HIVEP3: variants seen among roughly 807,000 people sequenced by gnomAD.
The protein encoded by HIVEP3 is HIVEP zinc finger 3, also known as transcription factor HIVEP3.
In HIVEP3, 49 loss-of-function variants were observed where a neutral mutation model predicts 152.8. The observed-to-expected ratio is 0.32, with a 90% CI of 0.26 to 0.41. The LOEUF (loss-of-function observed/expected upper bound fraction) is 0.41, where lower values mean the gene tolerates loss of function less well. HIVEP3 is among the 10% of genes least tolerant of loss of function. HIVEP3 has a pLI of 1.00. For missense variants in HIVEP3, 2,790 were observed against 3,103.3 expected (o/e 0.90, Z 2.40); for synonymous variants, 1,269 against 1,289.0 (o/e 0.98, Z 0.33).
chr1:41,595,465 C>CAA (rs1558100764), intron 3 of HIVEP3, among the ~76,000 whole-genome samples: 6 of 152,054 alleles, frequency 3.9e-5, no homozygotes, highest in African/African-American at 1.4e-4. Context: ...TGGGACATGC[C>CAA]GAGAAAGGAG....
chr1:41,698,786 A>G (rs1646315918), intron 2 of HIVEP3, among the ~76,000 whole-genome samples: 1 of 151,868 alleles, frequency 6.6e-6, no homozygotes, highest in African/African-American at 2.4e-5. Context: ...CACAGCCCCC[A>G]CTGAATGTAG....
At chr1:41,532,342 G>A (rs189870619) in intron 5 of HIVEP3, among the ~76,000 whole-genome samples, 1 of 152,174 alleles carries the variant, frequency 6.6e-6, no homozygotes, top group East Asian at 1.9e-4. Flanking sequence ...GGAGAGAAGG[G>A]AGGACTTGGG....
chr1:41,513,076 C>T lies in HIVEP3; in HGVS notation c.6145G>A (p.Ala2049Thr), dbSNP rs781092073. 4 of 1,613,778 alleles carry T rather than the reference C, an allele frequency of 2.5e-6. No homozygotes were observed. Among genetic ancestry groups the T allele is most frequent in the Non-Finnish European group, 3.4e-6 (4 of 1,180,026 alleles). Residue 2049 changes from alanine to threonine, a missense_variant, in exon 8 of 9, where the codon GCA becomes ACA. By Grantham distance (58) the Ala-to-Thr change is moderately conservative. Around this residue, in one of 9 missense-constraint regions of HIVEP3, gnomAD observed 816 missense variants for 806.5 expected, o/e 1.01. Transcript: ENST00000372583. ...CCCTCGAGTTTGGAGAGCACATGTG[C>T]TCGAGGGGCCAGTTCTCTTCCCAGG... ...CPLGRELAPR[A>T]HVLSKLEGTT...
At chr1:41,943,092 A>G (rs565651769) in intron 1 of HIVEP3, among the ~76,000 whole-genome samples, 1 of 152,030 alleles carries the variant, frequency 6.6e-6, no homozygotes, top group African/African-American at 2.4e-5. Flanking sequence ...ATTTTTTAGT[A>G]GAGACGGGTT....
At chr1:41,651,820 T>A (rs1366478213) in intron 2 of HIVEP3, among the ~76,000 whole-genome samples, 1 of 152,232 alleles carries the variant, frequency 6.6e-6, no homozygotes, top group African/African-American at 2.4e-5. Flanking sequence ...ACAATCTCAT[T>A]TTTAATTTAC....
rs1006266612 is a variant in HIVEP3 at position 41,664,428 on chromosome 1, C to G, written c.-720-35481G>C. Among the ~76,000 whole-genome samples the G allele has an allele frequency of 6.6e-6, 1 of 152,208 alleles. No individual in the cohort carries two copies. The highest frequency in any genetic ancestry group is 1.5e-5 in the Non-Finnish European group (1 of 68,032). ...AGAGGTGGCCTGGCCTCAAGGGACC[C>G]TCCCAATGGATTTGGTCACCTTCCA... On this transcript the variant is annotated intron_variant, in intron 2 of 8. Transcript: ENST00000372583. This position sits in a 1 kb window ranked among gnomAD's most constrained non-coding sequence, Gnocchi z 4.4.
At chr1:41,717,448 G>T (rs1358679166) in intron 1 of HIVEP3, among the ~76,000 whole-genome samples, 1 of 152,216 alleles carries the variant, frequency 6.6e-6, no homozygotes. Context: ...CTTGAGAAAG[G>T]AAAGAGAAAG....
At chr1:41,696,234 C>T (rs1188346026) in intron 2 of HIVEP3, among the ~76,000 whole-genome samples, 2 of 152,260 alleles carry the variant, frequency 1.3e-5, no homozygotes, top group Non-Finnish European at 2.9e-5. Context: ...TGTTCCAGCT[C>T]CAGTCAAAGA....
intron 3 of HIVEP3, among the ~76,000 whole-genome samples, chr1:41,587,671 C>T (rs1644525045): frequency 6.6e-6 from 1 of 152,210 alleles, no homozygotes; most frequent in South Asian, 2.1e-4. Context: ...TTCTTAGAGA[C>T]TGACTGTCTA....
intron 1 of HIVEP3, among the ~76,000 whole-genome samples, chr1:41,936,391 G>A (rs1047342399): frequency 6.6e-6 from 1 of 152,088 alleles, no homozygotes; most frequent in African/African-American, 2.4e-5. Context: ...AGGTGGAGAT[G>A]GAGGGATCAT....
intron 1 of HIVEP3, among the ~76,000 whole-genome samples, chr1:41,877,997 T>C (rs1644197971): frequency 6.6e-6 from 1 of 152,122 alleles, no homozygotes; most frequent in Admixed American, 6.5e-5. Flanking sequence ...AAGACATAAA[T>C]TGGAGACAGG....
chr1:41,611,537 A>G (rs1362582797), intron 3 of HIVEP3, among the ~76,000 whole-genome samples: 2 of 152,256 alleles, frequency 1.3e-5, no homozygotes, highest in African/African-American at 4.8e-5. Context: ...CGAAGGTTCC[A>G]TCATGCGCCC....
chr1:41,753,706 T>TAAATAAATAAAAA (rs371969654), intron 1 of HIVEP3, among the ~76,000 whole-genome samples: 1 of 149,468 alleles, frequency 6.7e-6, no homozygotes, highest in Non-Finnish European at 1.5e-5. Flanking sequence ...AATAAATAAA[T>TAAATAAATAAAAA]AAAAATAGAA....
chr1:41,627,068 C>T (rs548304408), intron 3 of HIVEP3, among the ~76,000 whole-genome samples: 13 of 152,314 alleles, frequency 8.5e-5, no homozygotes, highest in African/African-American at 2.9e-4. Context: ...CATCGGTCCC[C>T]GTGCTTCAGC....
At chr1:41,712,443 G>C (rs998429953) in intron 1 of HIVEP3, among the ~76,000 whole-genome samples, 2 of 152,232 alleles carry the variant, frequency 1.3e-5, no homozygotes, top group African/African-American at 4.8e-5. Flanking sequence ...TAAATGAAGA[G>C]GTAGAGAATG....
At chr1:41,613,639 T>G (rs1411153525) in intron 3 of HIVEP3, among the ~76,000 whole-genome samples, 7 of 152,268 alleles carry the variant, frequency 4.6e-5, no homozygotes, top group Non-Finnish European at 8.8e-5. Flanking sequence ...TTTGAGTATC[T>G]TTCTCATAAA....
chr1:42,011,635 A>G (rs905855947), intron 1 of HIVEP3, among the ~76,000 whole-genome samples: 2 of 152,116 alleles, frequency 1.3e-5, no homozygotes, highest in Non-Finnish European at 2.9e-5. Context: ...CCACCTGGTC[A>G]TTGCCCATTG....
At chr1:41,928,043 A>G (rs1271678341) in intron 1 of HIVEP3, among the ~76,000 whole-genome samples, 2 of 117,620 alleles carry the variant, frequency 1.7e-5, no homozygotes, top group African/African-American at 6.5e-5. Context: ...CCTGGGTGAC[A>G]GGGCGAGACT....
chr1:41,858,045 AG>A (rs1283892852), intron 1 of HIVEP3, among the ~76,000 whole-genome samples: 1 of 151,790 alleles, frequency 6.6e-6, no homozygotes, highest in Non-Finnish European at 1.5e-5. Context: ...ATGGTCATTC[AG>A]GTTGCTTTAA....
Sources: allele counts gnomAD v4.1 joint callset (sites outside exome capture counted in the v4.1 genomes callset), GRCh38; gene constraint gnomAD v4.1.1; regional missense constraint gnomAD v4.1.1; non-coding constraint Gnocchi (gnomAD v3.1); transcripts MANE v1.5; gene names NCBI Gene and HGNC (gene_info 2026-07-23, HGNC 2026-07-21).